LAMA2: variants seen among roughly 807,000 people sequenced by gnomAD.
The protein encoded by LAMA2 is laminin subunit alpha 2.
In LAMA2, 269 loss-of-function variants were observed where a neutral mutation model predicts 364.8. The observed-to-expected ratio is 0.74, with a 90% confidence interval of 0.67 to 0.82. The LOEUF is 0.82. Ranked by LOEUF, LAMA2 falls within the 40% of genes least tolerant of loss-of-function variation. The pLI, the probability that LAMA2 is intolerant of heterozygous loss-of-function variation, is 0.00. For synonymous variants in LAMA2, 1,379 were observed against 1,370.6 expected (o/e 1.01, Z -0.14); for missense variants, 3,807 against 3,873.2 (o/e 0.98, Z 0.45).
intron 35 of LAMA2, among the ~76,000 whole-genome samples, chr6:129,385,069 G>A (rs371147404): frequency 1.0e-5 from 1 of 98,286 alleles, no homozygotes. Context: ...AGGGAGGGGA[G>A]GGAAGGAAGA....
chr6:129,093,969 G>A (rs951672037), intron 3 of LAMA2, among the ~76,000 whole-genome samples: 1 of 152,116 alleles, frequency 6.6e-6, no homozygotes, highest in African/African-American at 2.4e-5. Context: ...GAACAGACTG[G>A]GGTGGGGGTT....
chr6:129,388,664 C>T (rs1473099792), intron 35 of LAMA2, among the ~76,000 whole-genome samples: 1 of 152,068 alleles, frequency 6.6e-6, no homozygotes, highest in Non-Finnish European at 1.5e-5. Flanking sequence ...CTTATGAAAG[C>T]TGATTTATAC....
chr6:129,440,880 T>G lies in LAMA2; in HGVS notation c.6150T>G (p.Asp2050Glu). Residue 2050 changes from aspartate (D) to glutamate (E), a missense_variant, in exon 43 of 65, where the codon GAT becomes GAG. By Grantham distance (45) the Asp-to-Glu change is conservative (BLOSUM62 2). This residue lies in a region of LAMA2 where 3,333 missense variants were observed against 3,345.7 expected (regional missense o/e 1.00). Coordinates refer to ENST00000421865, the MANE Select transcript of LAMA2 (RefSeq NM_000426.4). ...KARQANDTAK[D>E]VLAQITELHQ... Reference sequence around the variant, plus strand: ...GACAAGCCAACGACACAGCTAAAGATGTACTGGCACAGATTACAGAGCTCC... The same window carrying G: ...GACAAGCCAACGACACAGCTAAAGAGGTACTGGCACAGATTACAGAGCTCC... The G allele has an allele frequency of 6.2e-7, 1 of 1,613,982 alleles. No homozygotes were observed. The highest frequency in any genetic ancestry group is 1.3e-5 in the African/African-American group (1 of 75,046).
At chr6:129,025,957 A>AAC (rs1178119066) in intron 1 of LAMA2, among the ~76,000 whole-genome samples, 1 of 152,176 alleles carries the variant, frequency 6.6e-6, no homozygotes, top group Non-Finnish European at 1.5e-5. Context: ...GACCTGCACA[A>AAC]ACACACACAC....
intron 9 of LAMA2, among the ~76,000 whole-genome samples, chr6:129,173,819 T>A (rs994036401): frequency 1.3e-5 from 2 of 152,160 alleles, no homozygotes; most frequent in Non-Finnish European, 2.9e-5. Flanking sequence ...AGTGTATTAC[T>A]GGCATTCATT....
chr6:129,161,412 A>G (rs1265554356), intron 8 of LAMA2, among the ~76,000 whole-genome samples: 1 of 152,136 alleles, frequency 6.6e-6, no homozygotes, highest in Non-Finnish European at 1.5e-5. Flanking sequence ...CATTTGTGTC[A>G]CAAAATTTTT....
intron 12 of LAMA2, among the ~76,000 whole-genome samples, chr6:129,218,879 T>C (rs265355): frequency 0.91 from 139,218 of 152,202 alleles, 64,561 homozygotes; most frequent in Non-Finnish European, 0.99. Flanking sequence ...CAGCAGCTAT[T>C]ATTTATTATT....
intron 12 of LAMA2, among the ~76,000 whole-genome samples, chr6:129,226,518 G>T (rs1784288949): frequency 1.3e-5 from 2 of 152,158 alleles, no homozygotes; most frequent in Middle Eastern, 3.4e-3. Flanking sequence ...CTCTTTTAGG[G>T]CAGGCCTGGT....
At chr6:129,068,548 C>G (rs1773091120) in intron 3 of LAMA2, among the ~76,000 whole-genome samples, 1 of 152,192 alleles carries the variant, frequency 6.6e-6, no homozygotes, top group South Asian at 2.1e-4. Context: ...CTTGGGGGCT[C>G]TGTCCTCATG....
intron 34 of LAMA2, among the ~76,000 whole-genome samples, chr6:129,370,759 A>G (rs573578965): frequency 6.6e-6 from 1 of 152,348 alleles, no homozygotes; most frequent in Admixed American, 6.5e-5. Flanking sequence ...GCCTCGGGCC[A>G]TGACAGTGAA....
intron 10 of LAMA2, among the ~76,000 whole-genome samples, chr6:129,180,870 G>C (rs1780883846): frequency 6.6e-6 from 1 of 152,074 alleles, no homozygotes; most frequent in South Asian, 2.1e-4. Flanking sequence ...TTAGTTCTAA[G>C]ATCAGGGCTA....
intron 28 of LAMA2, among the ~76,000 whole-genome samples, chr6:129,327,018 A>G (rs903553447): frequency 1.3e-5 from 2 of 151,700 alleles, no homozygotes; most frequent in African/African-American, 4.8e-5. Context: ...ATATGTATAA[A>G]CTTTATTAAA....
At chr6:129,161,029 G>A (rs1779414040) in intron 8 of LAMA2, among the ~76,000 whole-genome samples, 1 of 151,744 alleles carries the variant, frequency 6.6e-6, no homozygotes, top group Non-Finnish European at 1.5e-5. Context: ...ATTTTTTTCA[G>A]TATTTCTTCC....
intron 40 of LAMA2, among the ~76,000 whole-genome samples, chr6:129,405,790 A>T (rs979326255): frequency 2.6e-5 from 4 of 152,190 alleles, no homozygotes; most frequent in African/African-American, 9.6e-5. Flanking sequence ...AATTATCTAG[A>T]TAGGACTAAC....
intron 1 of LAMA2, among the ~76,000 whole-genome samples, chr6:128,956,262 C>A (rs1278644956): frequency 6.6e-6 from 1 of 151,950 alleles, no homozygotes; most frequent in Non-Finnish European, 1.5e-5. Flanking sequence ...AAATCTCCAA[C>A]CTGACTCTTC....
intron 19 of LAMA2, among the ~76,000 whole-genome samples, chr6:129,291,314 T>C (rs537557212): frequency 1.3e-5 from 2 of 152,284 alleles, no homozygotes; most frequent in South Asian, 4.1e-4. Flanking sequence ...AGCTATGGCT[T>C]CTTTGAATTT....
At chr6:129,177,628 G>A in intron 9 of LAMA2, 78 bp from the exon 10 acceptor site, 1 of 1,417,408 alleles carries the variant, frequency 7.1e-7, no homozygotes, top group Non-Finnish European at 1.0e-6. Flanking sequence ...CATTTTAAAG[G>A]TTACTGTCAT....
chr6:129,038,365 A>T (rs1024222486), intron 1 of LAMA2, among the ~76,000 whole-genome samples: 3 of 152,208 alleles, frequency 2.0e-5, no homozygotes, highest in African/African-American at 7.2e-5. Context: ...GTGTGTACAT[A>T]ACATGTGATA....
At chr6:129,259,836 A>G (rs1332938958) in intron 14 of LAMA2, among the ~76,000 whole-genome samples, 1 of 152,140 alleles carries the variant, frequency 6.6e-6, no homozygotes, top group Non-Finnish European at 1.5e-5. Context: ...GCTGGTAAAT[A>G]TCAGAGACAG....
Sources: gnomAD v4.1 joint callset for allele counts (sites outside exome capture counted in the v4.1 genomes callset) on GRCh38, gnomAD v4.1.1 for gene constraint, gnomAD v4.1.1 regional missense constraint, MANE v1.5 for transcripts, NCBI Gene and HGNC (gene_info 2026-07-23, HGNC 2026-07-21) for gene names.